The following PLEKHG3 variants were observed in gnomAD, a reference collection of about 807,000 sequenced individuals.
The protein encoded by PLEKHG3 is pleckstrin homology and RhoGEF domain containing G3.
Under a neutral mutation model 94.9 loss-of-function variants are expected in PLEKHG3, and 62 were observed. That is an observed-to-expected ratio of 0.65 (90% CI 0.53 to 0.81). PLEKHG3 has a LOEUF of 0.81. PLEKHG3 is among the 30% of genes least tolerant of loss of function. PLEKHG3 has a pLI of 0.00. For missense variants in PLEKHG3, 1,461 were observed against 1,619.3 expected, an observed-to-expected ratio of 0.90 and a Z score of 1.68; for synonymous variants, 614 against 654.0, an observed-to-expected ratio of 0.94 and a Z score of 0.93.
In PLEKHG3 at chr14:64,750,136, G is replaced by C; in HGVS notation, c.*6433G>C. 6.2e-7 allele frequency: 1 copy of C among 1,613,126 alleles called. No homozygotes were observed. Among genetic ancestry groups the C allele is most frequent in the Non-Finnish European group, 8.5e-7 (1 of 1,179,108 alleles). On this transcript the variant is annotated 3_prime_UTR_variant, in exon 17 of 17. Coordinates refer to ENST00000247226, the MANE Select transcript of PLEKHG3 (RefSeq NM_001308147.2). ...TTAGCTCACTGTTCCTGAGCACACAGTACAGGTTGTTCCAGGACCTGCAAA... is the reference window on the plus strand; with the variant it reads ...TTAGCTCACTGTTCCTGAGCACACACTACAGGTTGTTCCAGGACCTGCAAA...
rs17102007 is a variant in PLEKHG3 at position 64,717,732 on chromosome 14, C to G, written c.-39-9861C>G. On this transcript the variant is annotated intron_variant, in intron 1 of 16. Coordinates refer to ENST00000247226, the MANE Select transcript of PLEKHG3 (RefSeq NM_001308147.2). The surrounding 1 kb of genome is among the most constrained non-coding windows in gnomAD (Gnocchi z 4.7). Reference sequence around the variant, plus strand: ...GTTCCCTCGATCTCTCGCTCCTCCTCGAAGCTGTCTCTGAATAGCCAGCAC... The same window carrying G: ...GTTCCCTCGATCTCTCGCTCCTCCTGGAAGCTGTCTCTGAATAGCCAGCAC... Among the ~76,000 whole-genome samples the G allele has an allele frequency of 6.6e-6, 1 of 152,342 alleles. No individual in the cohort carries two copies. Among genetic ancestry groups the G allele is most frequent in the Non-Finnish European group, 1.5e-5 (1 of 68,030 alleles).
Position 64,723,949 on chromosome 14 carries a change from G to A in PLEKHG3, c.-39-3644G>A, listed in dbSNP as rs1566699464. On this transcript the variant is annotated intron_variant, in intron 1 of 16. Transcript: ENST00000247226. This position sits in a 1 kb window ranked among gnomAD's most constrained non-coding sequence, Gnocchi z 4.5. ...AGGATGGGGTAGGCGTGGGTACCTG[G>A]TTTGAGGGTTTGGTTGCTGCCTGCC... The A allele has an allele frequency of 1.3e-5, 2 of 152,184 alleles. No homozygotes were observed. Among genetic ancestry groups the A allele is most frequent in the South Asian group, 4.1e-4 (2 of 4,828 alleles). The allele number at this position is 152,184 out of a possible 1,614,324, so 9.4% of individuals were successfully genotyped here. A position where few individuals can be genotyped will look rare whatever the true frequency, so the allele number is the denominator to read the frequency against.
rs2081889609 is a variant in PLEKHG3, at chr14:64,748,747, G to A, written c.*5044G>A. 6.5e-6 allele frequency: 1 copy of A among 154,592 alleles called. No individual in the cohort carries two copies. Among genetic ancestry groups the A allele is most frequent in the Admixed American group, 6.5e-5 (1 of 15,340 alleles). 9.6% of individuals were successfully genotyped at this position (154,592 alleles called of 1,614,324 possible). A position where few individuals can be genotyped will look rare whatever the true frequency, so the allele number is the denominator to read the frequency against. On this transcript the variant is annotated 3_prime_UTR_variant, in exon 17 of 17. Coordinates refer to ENST00000247226, the MANE Select transcript of PLEKHG3 (RefSeq NM_001308147.2). ...GTCCCCTCAGCCCCCCAGAGCCCCTGGCCCAGAGCTAGGGCTTTGTGGGCC... is the reference window on the plus strand; with the variant it reads ...GTCCCCTCAGCCCCCCAGAGCCCCTAGCCCAGAGCTAGGGCTTTGTGGGCC...
In PLEKHG3 at chr14:64,715,706, A is replaced by G. The variant is rs2081128812; in HGVS notation, c.-40+11002A>G. 1 of 264,540 alleles carries G rather than the reference A, an allele frequency of 3.8e-6. No homozygotes were observed. Among genetic ancestry groups the G allele is most frequent in the Non-Finnish European group, 7.5e-6 (1 of 133,500 alleles). The allele number at this position is 264,540 out of a possible 1,614,324, so 16.4% of individuals were successfully genotyped here. A position where few individuals can be genotyped will look rare whatever the true frequency, so the allele number is the denominator to read the frequency against. ...TCAGTATTTGATTCCTGCAGTTAGT[A>G]TCCCCTGTGCTTAATTGCTGGAGGT... On this transcript the variant is annotated intron_variant, in intron 1 of 16. Transcript: ENST00000247226. The surrounding 1 kb of genome is among the most constrained non-coding windows in gnomAD (Gnocchi z 4.4).
In PLEKHG3 at chr14:64,716,080, C is replaced by T. The variant is rs1251536667; in HGVS notation, c.-40+11376C>T. 1.1e-5 allele frequency: 5 copies of T among 456,170 alleles called. No individual in the cohort carries two copies. Among genetic ancestry groups the T allele is most frequent in the Non-Finnish European group, 2.2e-5 (5 of 226,722 alleles). 28.3% of individuals were successfully genotyped at this position (456,170 alleles called of 1,614,324 possible). On this transcript the variant is annotated intron_variant, in intron 1 of 16. Coordinates refer to ENST00000247226, the MANE Select transcript of PLEKHG3 (RefSeq NM_001308147.2). The surrounding 1 kb of genome is among the most constrained non-coding windows in gnomAD (Gnocchi z 5.0). ...CTCGTGGTGCCCGGATGGGAGCTCT[C>T]CTGAGGAAAGCGGTAGGTACCCGGC... is the stretch of plus-strand genomic sequence containing the variant.
intron 15 of PLEKHG3, among the ~76,000 whole-genome samples, chr14:64,740,553 TG>T (rs2139396448): frequency 6.6e-6 from 1 of 152,246 alleles, no homozygotes; most frequent in East Asian, 1.9e-4. Flanking sequence ...CTGAGGAAAA[TG>T]AAATGGCCTC....
At chr14:64,711,500 G>A (rs139839325) in intron 1 of PLEKHG3, among the ~76,000 whole-genome samples, 3 of 150,934 alleles carry the variant, frequency 2.0e-5, no homozygotes, top group Non-Finnish European at 2.9e-5. Context: ...TGCAAGCTCC[G>A]TCTCCCGTGT....
rs1187573240 is a variant in PLEKHG3, at chr14:64,744,018, C to T, written c.*315C>T. 4.5e-6 allele frequency: 1 copy of T among 220,098 alleles called. No homozygotes were observed. The highest frequency in any genetic ancestry group is 8.9e-6 in the Non-Finnish European group (1 of 112,444). 13.6% of individuals were successfully genotyped at this position (220,098 alleles called of 1,614,324 possible). A position where few individuals can be genotyped will look rare whatever the true frequency, so the allele number is the denominator to read the frequency against. ...CAGAGAGAGGAAGCTCTGCTCAGGC[C>T]TCCAGCGTTGGCTGGCCATGGCCAC... On this transcript the variant is annotated 3_prime_UTR_variant, in exon 17 of 17. Coordinates refer to ENST00000247226, the MANE Select transcript of PLEKHG3 (RefSeq NM_001308147.2).
rs373143524 is a variant in PLEKHG3, at chr14:64,750,133, A to G, written c.*6430A>G. 791 of 1,614,092 alleles carry G rather than the reference A, an allele frequency of 4.9e-4. 11 individuals carry two copies. In the South Asian group the frequency reaches 7.7e-3, roughly 16 times the overall value. On this transcript the variant is annotated 3_prime_UTR_variant, in exon 17 of 17. Transcript: ENST00000247226. ...AGGTTAGCTCACTGTTCCTGAGCACACAGTACAGGTTGTTCCAGGACCTGC... is the reference window on the plus strand; with the variant it reads ...AGGTTAGCTCACTGTTCCTGAGCACGCAGTACAGGTTGTTCCAGGACCTGC...
Position 64,741,656 on chromosome 14 carries a change from C to T in PLEKHG3, c.2139C>T (p.Asp713=), listed in dbSNP as rs772165697. ...AGGAATCAGCACTCTCCACCCGAGA[C>T]CGGCTGTTGCTAGACAAGATTAAGA... ...KKKESALSTR[D]RLLLDKIKSY... is the part of the protein sequence containing the mutation. Residue 713 remains aspartate (D), a synonymous_variant, in exon 16 of 17, where the codon GAC becomes GAT. Coordinates refer to ENST00000247226, the MANE Select transcript of PLEKHG3 (RefSeq NM_001308147.2). The T allele has an allele frequency of 3.7e-6, 6 of 1,613,032 alleles. No homozygotes were observed. Among genetic ancestry groups the T allele is most frequent in the Non-Finnish European group, 5.1e-6 (6 of 1,180,044 alleles).
In PLEKHG3 at chr14:64,742,073, T is replaced by C. The variant is rs2081709077; in HGVS notation, c.2556T>C (p.His852=). Residue 852 remains histidine, a synonymous_variant, in exon 16 of 17, where the codon CAT becomes CAC. Coordinates refer to ENST00000247226, the MANE Select transcript of PLEKHG3 (RefSeq NM_001308147.2). The part of the protein sequence containing the change: ...LHEPLFILEE[H]ELGAITEESA... ...AGCCACTCTTCATCCTGGAGGAGCA[T>C]GAGCTGGGAGCCATCACAGAGGAGT... The C allele has an allele frequency of 6.2e-7, 1 of 1,607,962 alleles. No individual in the cohort carries two copies. Among genetic ancestry groups the C allele is most frequent in the Non-Finnish European group, 8.5e-7 (1 of 1,177,448 alleles).
intron 14 of PLEKHG3, chr14:64,737,792 G>A (rs916980612): frequency 1.0e-5 from 8 of 795,194 alleles, no homozygotes; most frequent in African/African-American, 3.7e-5. Context: ...CTCCCCCCCC[G>A]CAGCTGCCTG....
Position 64,743,128 on chromosome 14 carries a change from C to A in PLEKHG3, c.3085C>A (p.Pro1029Thr), listed in dbSNP as rs1337116741. ...PSAVSQRTTSPGGRPSARSPL... is the reference protein window; with the variant it reads ...PSAVSQRTTSTGGRPSARSPL... Reference sequence around the variant, plus strand: ...TGCTGTCAGCCAGAGGACCACCTCGCCTGGGGGCCGGCCCTCCGCCCGGAG... The same window carrying A: ...TGCTGTCAGCCAGAGGACCACCTCGACTGGGGGCCGGCCCTCCGCCCGGAG... The change falls in exon 17 of 17, where the codon CCT (proline) becomes ACT (threonine). Residue 1029 changes from proline to threonine, a missense_variant. Pro to Thr is a conservative substitution (Grantham distance 38). Coordinates refer to ENST00000247226, the MANE Select transcript of PLEKHG3 (RefSeq NM_001308147.2). The surrounding 1 kb of genome is among the most constrained non-coding windows in gnomAD (Gnocchi z 7.2). The A allele has an allele frequency of 1.2e-6, 2 of 1,612,178 alleles. No individual in the cohort carries two copies. The highest frequency in any genetic ancestry group is 1.1e-5 in the South Asian group (1 of 91,076).
chr14:64,727,810 A>G lies in PLEKHG3; in HGVS notation c.179A>G (p.Asn60Ser), dbSNP rs138773295. 2 of 1,612,048 alleles carry G rather than the reference A, an allele frequency of 1.2e-6. No homozygotes were observed. The highest frequency in any genetic ancestry group is 2.7e-5 in the African/African-American group (2 of 74,912). ...AGSLRSRHLPNSNNNSSSWLN... is the reference protein window; with the variant it reads ...AGSLRSRHLPSSNNNSSSWLN... ...TCCCTGAGAAGCCGGCATCTGCCCAACAGCAACAACAACTCCAGCAGCTGG... is the reference window on the plus strand; with the variant it reads ...TCCCTGAGAAGCCGGCATCTGCCCAGCAGCAACAACAACTCCAGCAGCTGG... Residue 60 changes from asparagine to serine, a missense_variant, in exon 2 of 17, where the codon AAC (asparagine) becomes AGC (serine). Around this residue, in one of 3 missense-constraint regions of PLEKHG3, gnomAD observed 253 missense variants for 297.8 expected, o/e 0.85. Transcript: ENST00000247226. The surrounding 1 kb of genome is among the most constrained non-coding windows in gnomAD (Gnocchi z 6.0).
chr14:64,724,976 G>A (rs61987058), intron 1 of PLEKHG3, among the ~76,000 whole-genome samples: 3 of 152,354 alleles, frequency 2.0e-5, no homozygotes, highest in Admixed American at 2.0e-4. Context: ...CATTTCAGCA[G>A]TTGGCTGTTA....
chr14:64,731,411 CG>C lies in PLEKHG3; in HGVS notation c.904del (p.Glu302SerfsTer47). Reference protein sequence around the residue: ...NWKGPDLTTYGELVLEGTFRV... With the variant: ...NWKGPDLTTYXELVLEGTFRV... ...GGAAGGGGCCCGACCTGACCACCTA[CG>C]GGGAGCTTGTCCTGGAGGGCACATT... On this transcript the variant is annotated frameshift_variant, in exon 8 of 17. Coordinates refer to ENST00000247226, the MANE Select transcript of PLEKHG3 (RefSeq NM_001308147.2). LOFTEE classifies it high-confidence loss of function. This position sits in a 1 kb window ranked among gnomAD's most constrained non-coding sequence, Gnocchi z 6.1. 1 of 1,614,048 alleles carries C rather than the reference CG, an allele frequency of 6.2e-7. No individual in the cohort carries two copies. Among genetic ancestry groups the C allele is most frequent in the Non-Finnish European group, 8.5e-7 (1 of 1,179,938 alleles).
rs919797909 is a variant in PLEKHG3, at chr14:64,726,496, G to T, written c.-39-1097G>T. 1.3e-5 allele frequency among the ~76,000 whole-genome samples: 2 copies of T among 152,174 alleles called. No individual in the cohort carries two copies. Among genetic ancestry groups the T allele is most frequent in the African/African-American group, 4.8e-5 (2 of 41,414 alleles). On this transcript the variant is annotated intron_variant, in intron 1 of 16. Coordinates refer to ENST00000247226, the MANE Select transcript of PLEKHG3 (RefSeq NM_001308147.2). The surrounding 1 kb of genome is among the most constrained non-coding windows in gnomAD (Gnocchi z 5.1). ...GGGTGGGCATGGGTGTTGCATGGGTGTCCCTGTCCTTCCCAAAGGCTGCAG... is the reference window on the plus strand; with the variant it reads ...GGGTGGGCATGGGTGTTGCATGGGTTTCCCTGTCCTTCCCAAAGGCTGCAG...
Position 64,749,455 on chromosome 14 carries a change from G to GCCAGGACA in PLEKHG3, c.*5753_*5760dup. On this transcript the variant is annotated 3_prime_UTR_variant, in exon 17 of 17. Transcript: ENST00000247226. The surrounding 1 kb of genome is among the most constrained non-coding windows in gnomAD (Gnocchi z 4.7). ...TTGATGGCGGTGCTCACGCCCTGCA[G>GCCAGGACA]CCAGGACAGCATCTCCTCCTGCGGG... 1 of 1,601,750 alleles carries GCCAGGACA rather than the reference G, an allele frequency of 6.2e-7. No homozygotes were observed.
At chr14:64,737,082 C>T (rs1254970630) in intron 13 of PLEKHG3, 191 bp downstream of exon 13, 5 of 669,990 alleles carry the variant, frequency 7.5e-6, no homozygotes, top group African/African-American at 3.5e-5. Context: ...TGGAGCTCTC[C>T]CCCATGCACA....
Sources: allele counts gnomAD v4.1 joint callset (sites outside exome capture counted in the v4.1 genomes callset), GRCh38; gene constraint gnomAD v4.1.1; regional missense constraint gnomAD v4.1.1; non-coding constraint Gnocchi (gnomAD v3.1); transcripts MANE v1.5; gene names NCBI Gene and HGNC (gene_info 2026-07-23, HGNC 2026-07-21).